Variants in ZNF740 observed in about 807,000 individuals in gnomAD.
ZNF740 encodes zinc finger protein 740.
In ZNF740, 14 loss-of-function variants were observed where a neutral mutation model predicts 24.8. The observed-to-expected ratio is 0.56, with a 90% CI of 0.37 to 0.88. ZNF740 has a LOEUF of 0.88. Among genes scored for constraint, ZNF740 ranks in the 40% least tolerant of loss-of-function variants. The pLI is 0.00. For synonymous variants in ZNF740, 69 were observed against 84.0 expected, an observed-to-expected ratio of 0.82 and a Z score of 0.98; for missense variants, 201 against 247.9, an observed-to-expected ratio of 0.81 and a Z score of 1.27.
rs1592390704 is a variant in ZNF740 at position 53,189,208 on chromosome 12, C to G, written c.*1618C>G. 1.3e-5 allele frequency: 2 copies of G among 151,888 alleles called. No individual in the cohort carries two copies. The highest frequency in any genetic ancestry group is 2.1e-4 in the South Asian group (1 of 4,808). The allele number at this position is 151,888 out of a possible 1,614,324, so 9.4% of individuals were successfully genotyped here. A position where few individuals can be genotyped will look rare whatever the true frequency, so the allele number is the denominator to read the frequency against. On this transcript the variant is annotated 3_prime_UTR_variant, in exon 7 of 7. Transcript: ENST00000416904. ...CATGAATTTTCTAAGGTGAAATAAA[C>G]CTTTTCTTTCTGCTAAAGAAAGAAT...
In ZNF740 at chr12:53,192,640, A is replaced by G. The variant is rs776944916; in HGVS notation, c.*5050A>G. On this transcript the variant is annotated 3_prime_UTR_variant, in exon 7 of 7. Transcript: ENST00000416904. ...GAGAGTAGGCAGATGGGAGTAGCTC[A>G]ACAAGCCCCACTGTGCCCCTGCTCC... 1.9e-6 allele frequency: 3 copies of G among 1,599,862 alleles called. No individual in the cohort carries two copies.
rs190913589 is a variant in ZNF740 at position 53,191,485 on chromosome 12, C to T, written c.*3895C>T. On this transcript the variant is annotated 3_prime_UTR_variant, in exon 7 of 7. Transcript: ENST00000416904. ...CCCCTACCAAGGTCTTACAGACCCA[C>T]CCTTCCTCTCACCCTCCAGTTCCCA... 1.2e-4 allele frequency: 146 copies of T among 1,241,082 alleles called. No homozygotes were observed. The highest frequency in any genetic ancestry group is 1.6e-4 in the Non-Finnish European group (134 of 840,284). 76.9% of individuals were successfully genotyped at this position (1,241,082 alleles called of 1,614,324 possible). A position where few individuals can be genotyped will look rare whatever the true frequency, so the allele number is the denominator to read the frequency against.
chr12:53,192,088 T>C lies in ZNF740; in HGVS notation c.*4498T>C. The C allele has an allele frequency of 6.5e-7, 1 of 1,545,850 alleles. No homozygotes were observed. Among genetic ancestry groups the C allele is most frequent in the East Asian group, 2.3e-5 (1 of 43,636 alleles). On this transcript the variant is annotated 3_prime_UTR_variant, in exon 7 of 7. Coordinates refer to ENST00000416904, the MANE Select transcript of ZNF740 (RefSeq NM_001004304.4). ...GGGACAGATCATCAGTTGCTCACAGTGTGTCCAGCCTGTCCAACCCTGTCT... is the reference window on the plus strand; with the variant it reads ...GGGACAGATCATCAGTTGCTCACAGCGTGTCCAGCCTGTCCAACCCTGTCT...
At position 53,193,445 on chromosome 12, in the gene ZNF740, C is replaced by A; in HGVS notation, c.*5855C>A. The A allele has an allele frequency of 9.6e-7, 1 of 1,037,892 alleles. No individual in the cohort carries two copies. 64.3% of individuals were successfully genotyped at this position (1,037,892 alleles called of 1,614,324 possible). A position where few individuals can be genotyped will look rare whatever the true frequency, so the allele number is the denominator to read the frequency against. ...TGTCTCTCCCAGGAACCTCTAAACCCAAGTTCTCAAAAGAGTTGGAGACAG... is the reference window on the plus strand; with the variant it reads ...TGTCTCTCCCAGGAACCTCTAAACCAAAGTTCTCAAAAGAGTTGGAGACAG... On this transcript the variant is annotated 3_prime_UTR_variant, in exon 7 of 7. Coordinates refer to ENST00000416904, the MANE Select transcript of ZNF740 (RefSeq NM_001004304.4).
chr12:53,184,150 T>TGTGTGTGTGTGTGTGCGCGC (rs59250662), intron 2 of ZNF740, among the ~76,000 whole-genome samples: 11 of 104,424 alleles, frequency 1.1e-4, no homozygotes, highest in South Asian at 3.0e-4. Context: ...TGTGTGTGTG[T>TGTGTGTGTGTGTGTGCGCGC]GCGCGCGCGC....
At chr12:53,181,026 C>G (rs1941588280) in intron 1 of ZNF740, 189 bp downstream of exon 1, 1 of 867,780 alleles carries the variant, frequency 1.2e-6, no homozygotes, top group African/African-American at 1.9e-5. Context: ...CCCGCGCGTC[C>G]CGCCGCGTCC....
intron 2 of ZNF740, chr12:53,182,275 G>C: frequency 2.2e-6 from 1 of 449,662 alleles, no homozygotes; most frequent in South Asian, 3.2e-5. Context: ...TAAGTGCTGA[G>C]GGGTGTAAGG....
Position 53,193,466 on chromosome 12 carries a change from G to C in ZNF740, c.*5876G>C. 3.4e-6 allele frequency: 3 copies of C among 884,934 alleles called. No homozygotes were observed. Among genetic ancestry groups the C allele is most frequent in the Non-Finnish European group, 5.1e-6 (3 of 589,850 alleles). The allele number at this position is 884,934 out of a possible 1,614,324, so 54.8% of individuals were successfully genotyped here. A position where few individuals can be genotyped will look rare whatever the true frequency, so the allele number is the denominator to read the frequency against. On this transcript the variant is annotated 3_prime_UTR_variant, in exon 7 of 7. Transcript: ENST00000416904. ...AACCCAAGTTCTCAAAAGAGTTGGA[G>C]ACAGACAAACAGCTGAAAGGATGTT... is the stretch of plus-strand genomic sequence containing the variant.
Position 53,193,665 on chromosome 12 carries a change from G to A in ZNF740, c.*6075G>A. ...GAGGAATACGGGCCAGGGTTGGTTG[G>A]TTGTTGGGAGCCAGGTGGTTGAAGG... On this transcript the variant is annotated 3_prime_UTR_variant, in exon 7 of 7. Transcript: ENST00000416904. 1 of 1,549,872 alleles carries A rather than the reference G, an allele frequency of 6.5e-7. No individual in the cohort carries two copies. Among genetic ancestry groups the A allele is most frequent in the South Asian group, 1.2e-5 (1 of 83,244 alleles).
In ZNF740 at chr12:53,186,536, CCA is replaced by C. The variant is rs966962749; in HGVS notation, c.492+35_492+36del. On this transcript the variant is annotated intron_variant, in intron 6 of 6. Transcript: ENST00000416904. ...TAAGGCTCATCCCTGCTACAATACC[CCA>C]CACACACTTTTCCTTCCCCAAGAAT... 5 of 1,517,618 alleles carry C rather than the reference CCA, an allele frequency of 3.3e-6. No individual in the cohort carries two copies. The African/African-American group carries it at 6.9e-5, about 21-fold the overall frequency. 94.0% of individuals were successfully genotyped at this position (1,517,618 alleles called of 1,614,324 possible).
At chr12:53,186,563 T>G in intron 6 of ZNF740, 54 bp downstream of exon 6, 1 of 1,422,126 alleles carries the variant, frequency 7.0e-7, no homozygotes, top group Non-Finnish European at 9.7e-7. Flanking sequence ...TCCCCAAGAA[T>G]CAGGGCCACC....
intron 6 of ZNF740, 48 bp downstream of exon 6, chr12:53,186,557 C>T (rs776763124): frequency 2.7e-5 from 39 of 1,468,856 alleles, no homozygotes; most frequent in Non-Finnish European, 3.4e-5. Flanking sequence ...TTTCCTTCCC[C>T]AAGAATCAGG....
chr12:53,185,914 G>C (rs1289595917), intron 4 of ZNF740, 40 bp from the exon 5 acceptor site: 1 of 1,608,270 alleles, frequency 6.2e-7, no homozygotes, highest in Non-Finnish European at 8.5e-7. Context: ...CAGGAAGAGG[G>C]CAGTGGTGGC....
intron 1 of ZNF740, chr12:53,181,241 G>A: frequency 5.1e-6 from 5 of 985,474 alleles, no homozygotes; most frequent in Non-Finnish European, 6.0e-6. Flanking sequence ...GGCGGACGGG[G>A]AGAACGCACA....
chr12:53,191,201 C>T lies in ZNF740; in HGVS notation c.*3611C>T, dbSNP rs555614302. ...ACCCCGGGAGTTTCCTGCACATTCG[C>T]GCTTGGGCACCTCTCCCTGCCCTCA... On this transcript the variant is annotated 3_prime_UTR_variant, in exon 7 of 7. Transcript: ENST00000416904. 5.2e-5 allele frequency: 16 copies of T among 305,886 alleles called. No individual in the cohort carries two copies. The highest frequency in any genetic ancestry group is 2.1e-4 in the Admixed American group (5 of 23,504). 18.9% of individuals were successfully genotyped at this position (305,886 alleles called of 1,614,324 possible).
chr12:53,191,437 C>A lies in ZNF740; in HGVS notation c.*3847C>A. ...CTCTGAAAATGAAGTAGGGTGGTGG[C>A]CGCACCTCGCCAGTGAATTAGTCCC... On this transcript the variant is annotated 3_prime_UTR_variant, in exon 7 of 7. Coordinates refer to ENST00000416904, the MANE Select transcript of ZNF740 (RefSeq NM_001004304.4). The A allele has an allele frequency of 1.2e-6, 1 of 802,898 alleles. No individual in the cohort carries two copies. Among genetic ancestry groups the A allele is most frequent in the East Asian group, 2.5e-5 (1 of 40,350 alleles). 49.7% of individuals were successfully genotyped at this position (802,898 alleles called of 1,614,324 possible).
Position 53,193,851 on chromosome 12 carries a change from A to ATGGGGCTCTGGGAGGCAGTGGGTGGCT in ZNF740, c.*6265_*6291dup. On this transcript the variant is annotated 3_prime_UTR_variant, in exon 7 of 7. Transcript: ENST00000416904. ...AGCCAAGGGCCCGGAGCCTCAGGAG[A>ATGGGGCTCTGGGAGGCAGTGGGTGGCT]TGGGGCTCTGGGAGGCAGTGGGTGG... 6.2e-7 allele frequency: 1 copy of ATGGGGCTCTGGGAGGCAGTGGGTGGCT among 1,613,958 alleles called. No individual in the cohort carries two copies. The highest frequency in any genetic ancestry group is 8.5e-7 in the Non-Finnish European group (1 of 1,179,956).
chr12:53,185,411 T>A lies in ZNF740; in HGVS notation c.184T>A (p.Ser62Thr). ...SQGHRKDSDKSRSRKDDDSLS... is the reference protein window; with the variant it reads ...SQGHRKDSDKTRSRKDDDSLS... ...GGGTCACCGAAAAGACAGTGATAAG[T>A]CCCGGAGCCGCAAAGATGATGACAG... Residue 62 changes from serine (S) to threonine (T), a missense_variant, in exon 4 of 7, where the codon TCC becomes ACC. Physicochemically the swap from Ser to Thr is moderately conservative, Grantham distance 58. Around this residue, in one of 3 missense-constraint regions of ZNF740, gnomAD observed 117 missense variants for 122.3 expected, o/e 0.96. Coordinates refer to ENST00000416904, the MANE Select transcript of ZNF740 (RefSeq NM_001004304.4). The A allele has an allele frequency of 6.2e-7, 1 of 1,613,986 alleles. No individual in the cohort carries two copies.
At position 53,192,647 on chromosome 12, in the gene ZNF740, C is replaced by G. The variant is rs1487178408; in HGVS notation, c.*5057C>G. On this transcript the variant is annotated 3_prime_UTR_variant, in exon 7 of 7. Coordinates refer to ENST00000416904, the MANE Select transcript of ZNF740 (RefSeq NM_001004304.4). ...GGCAGATGGGAGTAGCTCAACAAGCCCCACTGTGCCCCTGCTCCCAAGATG... is the reference window on the plus strand; with the variant it reads ...GGCAGATGGGAGTAGCTCAACAAGCGCCACTGTGCCCCTGCTCCCAAGATG... The G allele has an allele frequency of 4.4e-6, 7 of 1,600,840 alleles. No homozygotes were observed. The highest frequency in any genetic ancestry group is 6.0e-6 in the Non-Finnish European group (7 of 1,170,434).
Sources: gnomAD v4.1 joint callset for allele counts (sites outside exome capture counted in the v4.1 genomes callset) on GRCh38, gnomAD v4.1.1 for gene constraint, gnomAD v4.1.1 regional missense constraint, MANE v1.5 for transcripts, NCBI Gene and HGNC (gene_info 2026-07-23, HGNC 2026-07-21) for gene names.